The following TFEB variants were observed in gnomAD, a reference collection of about 807,000 sequenced individuals.
TFEB encodes the protein transcription factor EB.
Under a neutral mutation model 48.0 loss-of-function variants are expected in TFEB, and 12 were observed. That is an observed-to-expected ratio of 0.25 (90% CI 0.16 to 0.40). The LOEUF is 0.40. Among genes scored for constraint, TFEB ranks in the 10% least tolerant of loss-of-function variants. The pLI is 1.00. For missense variants in TFEB, 509 were observed against 640.3 expected, an observed-to-expected ratio of 0.79 and a Z score of 2.21; for synonymous variants, 244 against 261.4, an observed-to-expected ratio of 0.93 and a Z score of 0.64.
chr6:41,684,704 C>T lies in TFEB; in HGVS notation c.1326G>A (p.Leu442=), dbSNP rs1301653690. 15 of 1,613,644 alleles carry T rather than the reference C, an allele frequency of 9.3e-6. No homozygotes were observed. Among genetic ancestry groups the T allele is most frequent in the African/African-American group, 1.3e-5 (1 of 74,928 alleles). ...GAAGTGGATCAGAGGCCAGCGGTAG[C>T]AGTGAGTCGTCCAGGAGCATGAGGT... The part of the protein sequence containing the change: ...DLDLMLLDDS[L]LPLASDPLLS... Residue 442 remains leucine (L), a synonymous_variant, in exon 9 of 9, where the codon CTG becomes CTA. Coordinates refer to ENST00000373033, the MANE Select transcript of TFEB (RefSeq NM_001271944.2).
chr6:41,688,783 C>T (rs1305122495), intron 4 of TFEB, among the ~76,000 whole-genome samples: 1 of 152,216 alleles, frequency 6.6e-6, no homozygotes, highest in Non-Finnish European at 1.5e-5. Flanking sequence ...TCCCGGCCAG[C>T]TCCTACTAAG....
chr6:41,701,067 G>A (rs145288513), intron 1 of TFEB, among the ~76,000 whole-genome samples: 1 of 152,350 alleles, frequency 6.6e-6, no homozygotes, highest in African/African-American at 2.4e-5. Flanking sequence ...TGCACGGACC[G>A]GCCCAGCCAC....
chr6:41,710,792 C>A (rs1770441401), intron 1 of TFEB, among the ~76,000 whole-genome samples: 1 of 152,152 alleles, frequency 6.6e-6, no homozygotes, highest in South Asian at 2.1e-4. Context: ...TCCCCCAGTT[C>A]CTCTCCCACA....
chr6:41,715,331 C>A (rs111452150), intron 1 of TFEB, among the ~76,000 whole-genome samples: 1 of 152,124 alleles, frequency 6.6e-6, no homozygotes, highest in Non-Finnish European at 1.5e-5. Context: ...AACAGGACCC[C>A]ATCCTCCACA....
chr6:41,688,713 A>G (rs1769140615), intron 4 of TFEB, among the ~76,000 whole-genome samples: 1 of 152,138 alleles, frequency 6.6e-6, no homozygotes. Flanking sequence ...AATCACTTGC[A>G]TCCTCCCTCC....
chr6:41,708,276 C>T (rs1770329067), intron 1 of TFEB, among the ~76,000 whole-genome samples: 1 of 152,182 alleles, frequency 6.6e-6, no homozygotes, highest in Admixed American at 6.5e-5. Flanking sequence ...GCCTCTTGGA[C>T]ATAGAAAGGG....
chr6:41,691,114 T>A lies in TFEB; in HGVS notation c.100A>T (p.Met34Leu), dbSNP rs762308294. Residue 34 changes from methionine to leucine, a missense_variant, in exon 2 of 9, where the codon ATG (methionine) becomes TTG (leucine). Coordinates refer to ENST00000373033, the MANE Select transcript of TFEB (RefSeq NM_001271944.2). The surrounding 1 kb of genome is among the most constrained non-coding windows in gnomAD (Gnocchi z 5.2). ...TGTTGCTGCTGCTGCTGCTGCTGCATGTAATGCATGACAGCCTGTTGCTGC... is the reference window on the plus strand; with the variant it reads ...TGTTGCTGCTGCTGCTGCTGCTGCAAGTAATGCATGACAGCCTGTTGCTGC... ...RMQQQAVMHY[M>L]QQQQQQQQQQ... is the part of the protein sequence containing the mutation. 5.4e-5 allele frequency: 86 copies of A among 1,583,966 alleles called. No homozygotes were observed. The South Asian group carries it at 9.6e-4, about 18-fold the overall frequency.
upstream of TFEB, chr6:41,736,203 A>T (rs1771668540): frequency 1.2e-6 from 2 of 1,612,672 alleles, no homozygotes; most frequent in Non-Finnish European, 1.7e-6. Flanking sequence ...CTTTCATGTC[A>T]CCTTCCCTTG....
Position 41,687,175 on chromosome 6 carries a change from G to A in TFEB, c.728-6C>T. On this transcript the variant is annotated splice_polypyrimidine_tract_variant and splice_region_variant and intron_variant, in intron 6 of 8. Transcript: ENST00000373033. ...GAACCTTCGTCTCCTTTCAACTAAA[G>A]GTAACAGATTCCAGAAGGAGCAATT... 3.7e-6 allele frequency: 6 copies of A among 1,614,120 alleles called. No individual in the cohort carries two copies. Among genetic ancestry groups the A allele is most frequent in the Non-Finnish European group, 5.1e-6 (6 of 1,180,000 alleles).
chr6:41,700,578 A>G (rs904662511), intron 1 of TFEB, among the ~76,000 whole-genome samples: 4 of 152,170 alleles, frequency 2.6e-5, no homozygotes, highest in African/African-American at 9.6e-5. Flanking sequence ...GCAAGACCCC[A>G]GGATGCGTTC....
In TFEB at chr6:41,685,979, A is replaced by ATG; in HGVS notation, c.951+109_951+110dup. The ATG allele has an allele frequency of 2.9e-6, 4 of 1,375,868 alleles. No homozygotes were observed. In the South Asian group the frequency reaches 5.0e-5, roughly 17 times the overall value. 85.2% of individuals were successfully genotyped at this position (1,375,868 alleles called of 1,614,324 possible). ...CCTAACTGATACATCCTCCTTCCTA[A>ATG]TGGGCATTATTCCTGTGTCTCCAAC... On this transcript the variant is annotated intron_variant, in intron 8 of 8. Coordinates refer to ENST00000373033, the MANE Select transcript of TFEB (RefSeq NM_001271944.2).
At chr6:41,712,963 G>C (rs915934332) in intron 1 of TFEB, among the ~76,000 whole-genome samples, 5 of 152,244 alleles carry the variant, frequency 3.3e-5, no homozygotes, top group Non-Finnish European at 5.9e-5. Flanking sequence ...GGACTCCTGA[G>C]TCTAGCCACT....
chr6:41,697,807 T>C (rs1455593125), intron 1 of TFEB, among the ~76,000 whole-genome samples: 1 of 152,260 alleles, frequency 6.6e-6, no homozygotes, highest in Middle Eastern at 3.4e-3. Flanking sequence ...ATACTTACAA[T>C]AAATAACATG....
intron 1 of TFEB, among the ~76,000 whole-genome samples, chr6:41,696,105 C>T (rs2127452721): frequency 6.6e-6 from 1 of 152,368 alleles, no homozygotes; most frequent in Non-Finnish European, 1.5e-5. Context: ...CAGACAAGGG[C>T]TTCTGAGGGG....
chr6:41,692,257 ACTG>A (rs1769355812), intron 1 of TFEB, among the ~76,000 whole-genome samples: 1 of 152,096 alleles, frequency 6.6e-6, no homozygotes, highest in Admixed American at 6.5e-5. Context: ...TGTCTTTTTC[ACTG>A]CTATACCATG....
chr6:41,684,855 T>A lies in TFEB; in HGVS notation c.1175A>T (p.His392Leu). 6.3e-7 allele frequency: 1 copy of A among 1,576,662 alleles called. No individual in the cohort carries two copies. The highest frequency in any genetic ancestry group is 8.6e-7 in the Non-Finnish European group (1 of 1,159,400). ...PLPTQPPSPF[H>L]HLDFSHSLSF... ...CAGGCTGTGGCTGAAGTCCAGGTGA[T>A]GGAATGGGGATGGTGGCTGGGTGGG... is the stretch of plus-strand genomic sequence containing the variant. Residue 392 changes from histidine (H) to leucine (L), a missense_variant, in exon 9 of 9, where the codon CAT becomes CTT. By Grantham distance (99) the His-to-Leu change is moderately conservative (BLOSUM62 -3). This residue lies in a region of TFEB where 168 missense variants were observed against 161.0 expected (regional missense o/e 1.04). Transcript: ENST00000373033.
chr6:41,707,266 G>A (rs957524340), intron 1 of TFEB, among the ~76,000 whole-genome samples: 9 of 152,216 alleles, frequency 5.9e-5, no homozygotes, highest in South Asian at 2.1e-4. Flanking sequence ...TCCAAGTGGC[G>A]GAGTGGGGAG....
At chr6:41,698,844 C>T (rs1400526343) in intron 1 of TFEB, among the ~76,000 whole-genome samples, 1 of 152,174 alleles carries the variant, frequency 6.6e-6, no homozygotes, top group Non-Finnish European at 1.5e-5. Context: ...CCCCCTCTGG[C>T]AGAGGAGGCA....
At position 41,684,983 on chromosome 6, in the gene TFEB, C is replaced by A. The variant is rs1768922575; in HGVS notation, c.1047G>T (p.Glu349Asp). The A allele has an allele frequency of 6.4e-7, 1 of 1,572,116 alleles. No homozygotes were observed. The highest frequency in any genetic ancestry group is 8.6e-7 in the Non-Finnish European group (1 of 1,159,062). The change falls in exon 9 of 9, where the codon GAG (glutamate) becomes GAT (aspartate). Residue 349 changes from glutamate (E) to aspartate (D), a missense_variant. Around this residue, in one of 4 missense-constraint regions of TFEB, gnomAD observed 62 missense variants for 90.2 expected, o/e 0.69. Coordinates refer to ENST00000373033, the MANE Select transcript of TFEB (RefSeq NM_001271944.2). Reference sequence around the variant, plus strand: ...CCCCTGGGCCCTCTTCGCTAGGCAGCTCCTGCTTCACCACCTGCTGGGCCA... The same window carrying A: ...CCCCTGGGCCCTCTTCGCTAGGCAGATCCTGCTTCACCACCTGCTGGGCCA... ...AELAQQVVKQ[E>D]LPSEEGPGEA...
Sources: allele counts gnomAD v4.1 joint callset (sites outside exome capture counted in the v4.1 genomes callset), GRCh38; gene constraint gnomAD v4.1.1; regional missense constraint gnomAD v4.1.1; non-coding constraint Gnocchi (gnomAD v3.1); transcripts MANE v1.5; gene names NCBI Gene and HGNC (gene_info 2026-07-23, HGNC 2026-07-21).